The following C11orf71 variants were observed in gnomAD, a reference collection of about 807,000 sequenced individuals.
C11orf71 encodes the protein chromosome 11 open reading frame 71.
For missense variants in C11orf71, 179 were observed against 167.6 expected (o/e 1.07, Z -0.38); for synonymous variants, 72 against 73.4 (o/e 0.98, Z 0.09).
intron 1 of C11orf71, chr11:114,391,680 A>C: frequency 1.6e-6 from 2 of 1,215,090 alleles, no homozygotes; most frequent in Non-Finnish European, 2.3e-6. Flanking sequence ...AATACACAAA[A>C]TGGATGAGTA....
exon 2 of C11orf71, chr11:114,391,516 T>G: frequency 8.9e-7 from 1 of 1,124,408 alleles, no homozygotes; most frequent in Middle Eastern, 3.0e-4. Flanking sequence ...CAATTTCATA[T>G]CCAATTTTTA....
At chr11:114,391,690 A>G (rs1946073781) in intron 1 of C11orf71, 1 of 1,121,354 alleles carries the variant, frequency 8.9e-7, no homozygotes, top group Non-Finnish European at 1.3e-6. Context: ...ATGGATGAGT[A>G]TAAGATGGCA....
rs1946158606 is a variant in C11orf71, at chr11:114,399,405, A to C, written c.*555T>G. Reference sequence around the variant, plus strand: ...TGCAAATAGTAAAATTACAAATATAAAGTAAAAATTTGGAACCTTTGCCAA... The same window carrying C: ...TGCAAATAGTAAAATTACAAATATACAGTAAAAATTTGGAACCTTTGCCAA... On this transcript the variant is annotated 3_prime_UTR_variant, in exon 1 of 1. Coordinates refer to ENST00000623205, the MANE Select transcript of C11orf71 (RefSeq NM_001271562.2). 1 of 152,452 alleles carries C rather than the reference A, an allele frequency of 6.6e-6. No homozygotes were observed. Among genetic ancestry groups the C allele is most frequent in the Non-Finnish European group, 1.5e-5 (1 of 68,206 alleles). 9.4% of individuals were successfully genotyped at this position (152,452 alleles called of 1,614,324 possible).
Position 114,400,245 on chromosome 11 carries a change from C to T in C11orf71, c.87G>A (p.Arg29=). ...CGGAGACCATCGCCAACGCTGACGC[C>T]CGCGGTCTGAGGTCGCCATGGGAAG... ...YRSSHGDLRP[R]ASALAMVSGD... Residue 29 remains arginine (R), a synonymous_variant, in exon 1 of 1, where the codon CGG becomes CGA. Coordinates refer to ENST00000623205, the MANE Select transcript of C11orf71 (RefSeq NM_001271562.2). 3 of 1,611,554 alleles carry T rather than the reference C, an allele frequency of 1.9e-6. No individual in the cohort carries two copies. Among genetic ancestry groups the T allele is most frequent in the Non-Finnish European group, 2.5e-6 (3 of 1,178,920 alleles).
chr11:114,394,252 CTTTTCTTTTCTTTTCT>C (rs1565256633), downstream of C11orf71, among the ~76,000 whole-genome samples: 805 of 66,212 alleles, frequency 0.012, 25 homozygotes, highest in African/African-American at 0.026. Context: ...CTTTTCTTTT[CTTTTCTTTTCTTTTCT>C]TTTCTTTTCT....
At chr11:114,391,729 C>T in intron 1 of C11orf71, 1 of 649,900 alleles carries the variant, frequency 1.5e-6, no homozygotes, top group East Asian at 3.0e-5. Flanking sequence ...AAATGCATGT[C>T]CCAGCAAAAG....
rs773442219 is a variant in C11orf71 at position 114,400,107 on chromosome 11, T to C, written c.225A>G (p.Pro75=). The C allele has an allele frequency of 1.2e-6, 2 of 1,613,298 alleles. No individual in the cohort carries two copies. Among genetic ancestry groups the C allele is most frequent in the South Asian group, 2.2e-5 (2 of 91,086 alleles). Reference sequence around the variant, plus strand: ...TCCGGCCCCGGCCATCTGGTTCCCTTGGGCTCCGGCCGCCACCATCCACTC... The same window carrying C: ...TCCGGCCCCGGCCATCTGGTTCCCTCGGGCTCCGGCCGCCACCATCCACTC... ...SRRVDGGGRS[P]REPDGRGRSR... Residue 75 remains proline (P), a synonymous_variant, in exon 1 of 1, where the codon CCA becomes CCG. Coordinates refer to ENST00000623205, the MANE Select transcript of C11orf71 (RefSeq NM_001271562.2).
chr11:114,398,009 C>T (rs1946141449), downstream of C11orf71, among the ~76,000 whole-genome samples: 1 of 152,174 alleles, frequency 6.6e-6, no homozygotes, highest in South Asian at 2.1e-4. Flanking sequence ...AGTCATATTT[C>T]GCACTATGAG....
chr11:114,397,962 A>T (rs1183828604), downstream of C11orf71, among the ~76,000 whole-genome samples: 3 of 152,140 alleles, frequency 2.0e-5, no homozygotes, highest in African/African-American at 4.8e-5. Context: ...AAAGCATAGG[A>T]TTATATACTA....
intron 1 of C11orf71, among the ~76,000 whole-genome samples, chr11:114,391,898 G>A (rs538816630): frequency 4.8e-4 from 73 of 150,626 alleles, no homozygotes; most frequent in African/African-American, 1.6e-3. Flanking sequence ...GGATAGACAC[G>A]TAGTTAAAGC....
At chr11:114,394,006 G>A (rs1946092352), downstream of C11orf71, among the ~76,000 whole-genome samples, 1 of 152,130 alleles carries the variant, frequency 6.6e-6, no homozygotes, top group Admixed American at 6.5e-5. Context: ...TTGAGACAGA[G>A]TCTCGCTCTG....
chr11:114,396,517 T>C (rs928704930), downstream of C11orf71, among the ~76,000 whole-genome samples: 2 of 152,206 alleles, frequency 1.3e-5, no homozygotes, highest in Non-Finnish European at 1.5e-5. Context: ...TAGGATGAAG[T>C]AGAGAGACAG....
At chr11:114,393,311 T>C (rs1362856426) in intron 1 of C11orf71, among the ~76,000 whole-genome samples, 1 of 152,216 alleles carries the variant, frequency 6.6e-6, no homozygotes, top group African/African-American at 2.4e-5. Context: ...AAGGTAGAGT[T>C]CTAACAGTGT....
At position 114,399,445 on chromosome 11, in the gene C11orf71, AATTG is replaced by A. The variant is rs1414790065; in HGVS notation, c.*511_*514del. The A allele has an allele frequency of 1.3e-5, 2 of 152,626 alleles. No homozygotes were observed. The highest frequency in any genetic ancestry group is 1.9e-4 in the East Asian group (1 of 5,186). The allele number at this position is 152,626 out of a possible 1,614,324, so 9.5% of individuals were successfully genotyped here. A position where few individuals can be genotyped will look rare whatever the true frequency, so the allele number is the denominator to read the frequency against. On this transcript the variant is annotated 3_prime_UTR_variant, in exon 1 of 1. Coordinates refer to ENST00000623205, the MANE Select transcript of C11orf71 (RefSeq NM_001271562.2). ...ACCTTTGCCAAAGAAAGGAATAATA[AATTG>A]ATTTAATAATTTGAAAGAACTGTAA... is the stretch of plus-strand genomic sequence containing the variant.
Position 114,400,071 on chromosome 11 carries a change from G to A in C11orf71, c.261C>T (p.Ala87=), listed in dbSNP as rs1187277657. The A allele has an allele frequency of 6.2e-7, 1 of 1,613,924 alleles. No individual in the cohort carries two copies. Among genetic ancestry groups the A allele is most frequent in the Non-Finnish European group, 8.5e-7 (1 of 1,179,916 alleles). ...CAGGGATTGGGTAAGGTGAGAATCT[G>A]GCTTGGCGGCTCCGGCCCCGGCCAT... is the stretch of plus-strand genomic sequence containing the variant. ...EPDGRGRSRQ[A]RFSPYPIPAV... Residue 87 remains alanine (A), a synonymous_variant, in exon 1 of 1, where the codon GCC becomes GCT. Transcript: ENST00000623205.
downstream of C11orf71, among the ~76,000 whole-genome samples, chr11:114,396,160 A>G (rs530106180): frequency 6.6e-6 from 1 of 152,256 alleles, no homozygotes; most frequent in East Asian, 1.9e-4. Flanking sequence ...GAGCTTTTTA[A>G]GTAAGGCATT....
At chr11:114,394,229 T>TCTTCTCTTCTC (rs1491298469), downstream of C11orf71, among the ~76,000 whole-genome samples, 2 of 5,054 alleles carry the variant, frequency 4.0e-4, no homozygotes, top group African/African-American at 3.4e-3. Context: ...TTTTCTTTTC[T>TCTTCTCTTCTC]TTCTTTTCTT....
downstream of C11orf71, among the ~76,000 whole-genome samples, chr11:114,394,635 C>T: frequency 1.3e-5 from 2 of 151,744 alleles, no homozygotes; most frequent in East Asian, 3.9e-4. Flanking sequence ...GTCTCCATCT[C>T]CTGACCTTGT....
chr11:114,394,444 G>A (rs1204413197), downstream of C11orf71, among the ~76,000 whole-genome samples: 2 of 151,790 alleles, frequency 1.3e-5, no homozygotes, highest in Non-Finnish European at 2.9e-5. Context: ...ACAGGCACCT[G>A]CCACCACGCC....
Sources: gnomAD v4.1 joint callset for allele counts (sites outside exome capture counted in the v4.1 genomes callset) on GRCh38, gnomAD v4.1.1 for gene constraint, MANE v1.5 for transcripts, NCBI Gene and HGNC (gene_info 2026-07-23, HGNC 2026-07-21) for gene names.